UXS1: variants seen among roughly 807,000 people sequenced by gnomAD.
UXS1 encodes UDP-glucuronic acid decarboxylase 1.
UXS1 carries 33 observed loss-of-function variants against 62.6 expected under a neutral mutation model. That is an observed-to-expected ratio of 0.53 (90% confidence interval 0.40 to 0.70). The LOEUF (loss-of-function observed/expected upper bound fraction) is 0.70, where lower values mean the gene tolerates loss of function less well. Ranked by LOEUF, UXS1 falls within the 30% of genes least tolerant of loss-of-function variation. The pLI is 0.00. For synonymous variants in UXS1, 213 were observed against 206.8 expected (o/e 1.03, Z -0.26); for missense variants, 434 against 556.3 (o/e 0.78, Z 2.21).
intron 1 of UXS1, among the ~76,000 whole-genome samples, chr2:106,175,172 G>C (rs988457310): frequency 1.3e-5 from 2 of 152,284 alleles, no homozygotes; most frequent in Admixed American, 6.5e-5. Context: ...CTTTAATTTA[G>C]AGAGACATTC....
At chr2:106,166,184 A>G (rs1190285739) in intron 1 of UXS1, 101 bp from the exon 2 acceptor site, 6 of 1,186,196 alleles carry the variant, frequency 5.1e-6, no homozygotes, top group Non-Finnish European at 7.1e-6. Context: ...TAAATTTTAC[A>G]AAGAAAATTA....
intron 4 of UXS1, among the ~76,000 whole-genome samples, chr2:106,158,380 G>A (rs544468060): frequency 1.1e-4 from 16 of 152,286 alleles, no homozygotes; most frequent in Non-Finnish European, 2.2e-4. Flanking sequence ...AGGAGCTACC[G>A]GCTTCCAGCA....
intron 1 of UXS1, among the ~76,000 whole-genome samples, chr2:106,176,927 C>G (rs4851932): frequency 0.98 from 149,071 of 152,196 alleles, 73,064 homozygotes; most frequent in South Asian, 1. Context: ...GCTCTGAAAT[C>G]CAGCTATAAA....
chr2:106,144,286 C>CA (rs1327787312), intron 6 of UXS1, among the ~76,000 whole-genome samples: 1 of 152,062 alleles, frequency 6.6e-6, no homozygotes, highest in Non-Finnish European at 1.5e-5. Context: ...AAAAATGAAG[C>CA]AAAAAACCAA....
intron 10 of UXS1, among the ~76,000 whole-genome samples, chr2:106,110,760 A>G (rs933662806): frequency 3.3e-5 from 5 of 152,234 alleles, no homozygotes; most frequent in Non-Finnish European, 7.3e-5. Flanking sequence ...TGAATGAAAC[A>G]AAGTCCCTGG....
chr2:106,109,507 G>T (rs1014041875), intron 10 of UXS1, among the ~76,000 whole-genome samples: 6 of 152,224 alleles, frequency 3.9e-5, no homozygotes, highest in Admixed American at 3.9e-4. Context: ...TCCAAACCTG[G>T]GATAAATCAC....
At chr2:106,168,308 G>C (rs559082188) in intron 1 of UXS1, among the ~76,000 whole-genome samples, 2 of 152,190 alleles carry the variant, frequency 1.3e-5, no homozygotes, top group South Asian at 4.1e-4. Context: ...CGCCATGACA[G>C]TTTACAAATG....
intron 13 of UXS1, 39 bp from the exon 14 acceptor site, chr2:106,096,860 C>T: frequency 6.5e-7 from 1 of 1,543,288 alleles, no homozygotes; most frequent in African/African-American, 1.4e-5. Context: ...GAGAGAATCA[C>T]AAAGCATGGG....
chr2:106,113,536 A>G (rs6543374), intron 9 of UXS1, among the ~76,000 whole-genome samples: 56,792 of 152,120 alleles, frequency 0.37, 10,755 homozygotes, highest in East Asian at 0.55. Flanking sequence ...CAATCATGGA[A>G]GTGCATACTT....
intron 9 of UXS1, among the ~76,000 whole-genome samples, chr2:106,115,997 G>C (rs74522605): frequency 0.016 from 2,469 of 152,288 alleles, 38 homozygotes; most frequent in Middle Eastern, 0.037. Flanking sequence ...ACACGAACTA[G>C]GCTGGAACAG....
At chr2:106,110,554 G>A (rs66529457) in intron 10 of UXS1, among the ~76,000 whole-genome samples, 35,569 of 152,198 alleles carry the variant, frequency 0.23, 4,552 homozygotes, top group Non-Finnish European at 0.28. Context: ...GTGGACTAAG[G>A]GGTTCGCAGG....
intron 12 of UXS1, 143 bp from the exon 13 acceptor site, chr2:106,098,916 G>C: frequency 1.4e-6 from 1 of 698,350 alleles, no homozygotes; most frequent in East Asian, 2.7e-5. Flanking sequence ...TGTGCCAGAG[G>C]GTACTCCGCT....
At chr2:106,153,357 T>C (rs1009794602) in intron 5 of UXS1, among the ~76,000 whole-genome samples, 1 of 152,142 alleles carries the variant, frequency 6.6e-6, no homozygotes, top group Non-Finnish European at 1.5e-5. Flanking sequence ...TGCACAGGCT[T>C]AATAGAGAAA....
rs533366268 is a variant in UXS1, at chr2:106,179,224, T to C, written c.95-13141A>G. On this transcript the variant is annotated intron_variant, in intron 1 of 14. Transcript: ENST00000283148. The stretch of plus-strand genomic sequence containing the variant: ...AGGATGCCCAAAGGATCCTTTGTGA[T>C]GAAGCCTCCATGGTCTCCCCCACCC... Among the ~76,000 whole-genome samples the C allele has an allele frequency of 2.4e-4, 37 of 152,286 alleles. No homozygotes were observed. In the South Asian group the frequency reaches 7.1e-3, roughly 29 times the overall value.
At chr2:106,159,775 T>C (rs1378118470) in intron 4 of UXS1, among the ~76,000 whole-genome samples, 1 of 152,182 alleles carries the variant, frequency 6.6e-6, no homozygotes, top group Non-Finnish European at 1.5e-5. Context: ...GAAGGGAATA[T>C]GAAGGGTCAT....
chr2:106,139,429 T>A (rs1680921036), intron 6 of UXS1, among the ~76,000 whole-genome samples: 1 of 152,104 alleles, frequency 6.6e-6, no homozygotes, highest in Non-Finnish European at 1.5e-5. Context: ...CTTCTATGAA[T>A]CCTGACTGGG....
chr2:106,191,366 T>A (rs538987300), intron 1 of UXS1, among the ~76,000 whole-genome samples: 1 of 152,312 alleles, frequency 6.6e-6, no homozygotes, highest in East Asian at 1.9e-4. Flanking sequence ...AGATTACTAA[T>A]TAGGAAAAGC....
intron 11 of UXS1, chr2:106,102,910 A>G (rs2104846139): frequency 6.6e-6 from 1 of 152,384 alleles, no homozygotes; most frequent in East Asian, 1.9e-4. Flanking sequence ...ATGTGAAACC[A>G]GAGAGGATCA....
In UXS1 at chr2:106,164,770, T is replaced by G; in HGVS notation, c.152A>C (p.Asn51Thr). Residue 51 changes from asparagine (N) to threonine (T), a missense_variant, in exon 3 of 15, where the codon AAT (asparagine) becomes ACT (threonine). Asn to Thr is a moderately conservative substitution (Grantham distance 65, BLOSUM62 0). Transcript: ENST00000283148. ...SFLLNRSIQE[N>T]GELKIESKIE... ...CTTGCTTTCAATTTTTAGTTCACCA[T>G]TTTCCTGGATAGACCTGTTGAGTAG... 6.3e-7 allele frequency: 1 copy of G among 1,590,676 alleles called. No homozygotes were observed. The highest frequency in any genetic ancestry group is 8.6e-7 in the Non-Finnish European group (1 of 1,167,894).
Sources: allele counts gnomAD v4.1 joint callset (sites outside exome capture counted in the v4.1 genomes callset), GRCh38; gene constraint gnomAD v4.1.1; transcripts MANE v1.5; gene names NCBI Gene and HGNC (gene_info 2026-07-23, HGNC 2026-07-21).